DZIP1L: variants seen among roughly 807,000 people sequenced by gnomAD.
The protein encoded by DZIP1L is cilium assembly protein DZIP1L.
In DZIP1L, 90 loss-of-function variants were observed where a neutral mutation model predicts 88.7. The ratio of observed to expected loss-of-function variants is 1.02; its 90% CI spans 0.86 to 1.21. The LOEUF is 1.21. Among genes scored for constraint, DZIP1L ranks in the 50% most tolerant of loss-of-function variants. The pLI is 0.00. For synonymous variants in DZIP1L, 363 were observed against 372.1 expected, an observed-to-expected ratio of 0.98 and a Z score of 0.28; for missense variants, 932 against 955.8, an observed-to-expected ratio of 0.98 and a Z score of 0.33.
intron 1 of DZIP1L, among the ~76,000 whole-genome samples, chr3:138,115,110 C>G (rs1343425602): frequency 6.6e-6 from 1 of 152,084 alleles, no homozygotes; most frequent in Non-Finnish European, 1.5e-5. Context: ...CCGAGGGGGC[C>G]GGGCTGCAGG....
chr3:138,091,505 T>C (rs575434959), intron 5 of DZIP1L, among the ~76,000 whole-genome samples: 1 of 150,820 alleles, frequency 6.6e-6, no homozygotes, highest in South Asian at 2.1e-4. Flanking sequence ...GTAATCCCAG[T>C]TACTCCGGAG....
Position 138,106,686 on chromosome 3 carries a change from G to C in DZIP1L, c.-81-2634C>G, listed in dbSNP as rs1023191084. ...GTCTCTACTAAAAATAGAAAAATTAGCCGGGCGTGGTGGCGTGCACCTGTA... is the reference window on the plus strand; with the variant it reads ...GTCTCTACTAAAAATAGAAAAATTACCCGGGCGTGGTGGCGTGCACCTGTA... On this transcript the variant is annotated intron_variant, in intron 1 of 15. Transcript: ENST00000327532. Among the ~76,000 whole-genome samples, 12 of 152,006 alleles carry C rather than the reference G, an allele frequency of 7.9e-5. No individual in the cohort carries two copies. In the East Asian group the frequency reaches 1.2e-3, roughly 15 times the overall value.
chr3:138,113,880 A>T (rs909082084), intron 1 of DZIP1L, among the ~76,000 whole-genome samples: 4 of 152,322 alleles, frequency 2.6e-5, no homozygotes, highest in Middle Eastern at 6.8e-3. Flanking sequence ...TTTTATCAAA[A>T]GCCTATTAAG....
intron 14 of DZIP1L, among the ~76,000 whole-genome samples, chr3:138,065,674 T>C (rs965984516): frequency 6.6e-6 from 1 of 152,222 alleles, no homozygotes; most frequent in Non-Finnish European, 1.5e-5. Context: ...GCTGTAAACA[T>C]GGCCAAGTAC....
chr3:138,084,069 G>A, intron 8 of DZIP1L, 44 bp downstream of exon 8: 1 of 1,603,642 alleles, frequency 6.2e-7, no homozygotes, highest in South Asian at 1.1e-5. Context: ...CAGGAAAGAG[G>A]CCCAGGGACA....
intron 5 of DZIP1L, chr3:138,089,302 T>A (rs1284661908): frequency 1.0e-6 from 1 of 983,786 alleles, no homozygotes; most frequent in Admixed American, 6.1e-5. Context: ...CTTGATCAGA[T>A]GTATGCACAA....
chr3:138,072,369 G>A (rs562253429), intron 11 of DZIP1L, among the ~76,000 whole-genome samples: 1 of 152,266 alleles, frequency 6.6e-6, no homozygotes, highest in Non-Finnish European at 1.5e-5. Flanking sequence ...TCCAAGATGA[G>A]GATTCATGCA....
At chr3:138,102,782 A>G (rs964415956) in intron 2 of DZIP1L, 6 of 759,080 alleles carry the variant, frequency 7.9e-6, no homozygotes, top group Admixed American at 1.8e-5. Flanking sequence ...TCACCCCGGA[A>G]GCTGCTGCTG....
At chr3:138,074,010 C>T (rs1351350352) in intron 11 of DZIP1L, among the ~76,000 whole-genome samples, 1 of 151,886 alleles carries the variant, frequency 6.6e-6, no homozygotes, top group African/African-American at 2.4e-5. Flanking sequence ...CCATAGAAGA[C>T]AAAAAAGAAT....
intron 14 of DZIP1L, 23 bp downstream of exon 14, chr3:138,067,508 C>T: frequency 6.4e-7 from 1 of 1,569,194 alleles, no homozygotes; most frequent in Non-Finnish European, 8.6e-7. Flanking sequence ...TCCCAGCCCA[C>T]TCACCCAAAG....
Position 138,064,705 on chromosome 3 carries a change from G to A in DZIP1L, c.2065C>T (p.Pro689Ser), listed in dbSNP as rs201438371. The stretch of plus-strand genomic sequence containing the variant: ...AAAAACAGACTGACCCCTCCAGCAG[G>A]CTTCTTTGCTGGAGCTTCTAGCTGC... ...EKQLEAPAKK[P>S]AGGVSLFFMP... The change falls in exon 15 of 16, where the codon CCT (proline) becomes TCT (serine). Residue 689 changes from proline to serine, a missense_variant. Coordinates refer to ENST00000327532, the MANE Select transcript of DZIP1L (RefSeq NM_173543.3). 1 of 1,611,006 alleles carries A rather than the reference G, an allele frequency of 6.2e-7. No individual in the cohort carries two copies. Among genetic ancestry groups the A allele is most frequent in the Non-Finnish European group, 8.5e-7 (1 of 1,179,010 alleles).
rs569937170 is a variant in DZIP1L, at chr3:138,110,987, G to A, written c.-82+4341C>T. 3.6e-4 allele frequency among the ~76,000 whole-genome samples: 55 copies of A among 152,308 alleles called. No homozygotes were observed. In the South Asian group the frequency reaches 0.011, roughly 30 times the overall value. On this transcript the variant is annotated intron_variant, in intron 1 of 15. Coordinates refer to ENST00000327532, the MANE Select transcript of DZIP1L (RefSeq NM_173543.3). ...GAAATTAACCCACAGAGCGGCAAGT[G>A]CCAAGACAGGAGCTGGGAAAGGGTT... is the stretch of plus-strand genomic sequence containing the variant.
chr3:138,083,807 T>G (rs145276639), intron 8 of DZIP1L, among the ~76,000 whole-genome samples: 1 of 152,112 alleles, frequency 6.6e-6, no homozygotes, highest in Non-Finnish European at 1.5e-5. Context: ...CCTTGAAGGA[T>G]AGTAGTGAGG....
rs181564391 is a variant in DZIP1L, at chr3:138,095,236, T to C, written c.587-253A>G. Among the ~76,000 whole-genome samples, 62 of 152,340 alleles carry C rather than the reference T, an allele frequency of 4.1e-4. 1 individual carries two copies. Among genetic ancestry groups the C allele is most frequent in the Admixed American group, 4.0e-3 (61 of 15,300 alleles). ...AGAATGCAAAGTGCTTAGCATAGTG[T>C]CTGGCACGACAGCTCAAAAAATGTG... On this transcript the variant is annotated intron_variant, in intron 3 of 15. Coordinates refer to ENST00000327532, the MANE Select transcript of DZIP1L (RefSeq NM_173543.3).
In DZIP1L at chr3:138,097,744, G is replaced by T. The variant is rs767639901; in HGVS notation, c.586+19C>A. On this transcript the variant is annotated intron_variant, in intron 3 of 15. Transcript: ENST00000327532. ...TTTCCACAGTCCCAGAAGGGGCCCG[G>T]GCTGCTGTCTGGACTCACCACCTTC... 4 of 1,601,812 alleles carry T rather than the reference G, an allele frequency of 2.5e-6. No homozygotes were observed. In the South Asian group the frequency reaches 4.5e-5, roughly 18 times the overall value.
rs1322409351 is a variant in DZIP1L at position 138,077,549 on chromosome 3, T to C, written c.1372A>G (p.Ile458Val). Residue 458 changes from isoleucine (I) to valine (V), a missense_variant, in exon 11 of 16, where the codon ATC (isoleucine) becomes GTC (valine). Ile to Val is a conservative substitution (Grantham distance 29, BLOSUM62 3). Transcript: ENST00000327532. ...TTCTCTTCCAGGGTGTCCTCCAGGA[T>C]TGGTCTGAAGTGCTTCAGCAAAGTG... ...NPTLLKHFRP[I>V]LEDTLEEKLE... 5.0e-6 allele frequency: 8 copies of C among 1,614,100 alleles called. No individual in the cohort carries two copies. The highest frequency in any genetic ancestry group is 4.5e-5 in the East Asian group (2 of 44,894).
chr3:138,080,458 C>T, intron 10 of DZIP1L, 109 bp downstream of exon 10: 2 of 1,246,746 alleles, frequency 1.6e-6, no homozygotes, highest in Non-Finnish European at 2.3e-6. Context: ...GATCCCTCCA[C>T]TCCAGCTTCG....
intron 15 of DZIP1L, 168 bp downstream of exon 15, chr3:138,064,460 G>A: frequency 1.3e-6 from 2 of 1,595,592 alleles, no homozygotes; most frequent in Non-Finnish European, 1.7e-6. Context: ...ATTCCAAACT[G>A]GCCATCTCTC....
rs888809574 is a variant in DZIP1L at position 138,102,046 on chromosome 3, T to C, written c.501+1425A>G. On this transcript the variant is annotated intron_variant, in intron 2 of 15. Transcript: ENST00000327532. The stretch of plus-strand genomic sequence containing the variant: ...TCATCTCCATGCTTCCCAGCCAGCA[T>C]CTGCAGCTCCTCATACTTGATCTGG... 1.8e-5 allele frequency: 26 copies of C among 1,480,460 alleles called. No homozygotes were observed. In the African/African-American group the frequency reaches 3.3e-4, roughly 19 times the overall value. 91.7% of individuals were successfully genotyped at this position (1,480,460 alleles called of 1,614,324 possible).
Sources: allele counts gnomAD v4.1 joint callset (sites outside exome capture counted in the v4.1 genomes callset), GRCh38; gene constraint gnomAD v4.1.1; transcripts MANE v1.5; gene names NCBI Gene and HGNC (gene_info 2026-07-23, HGNC 2026-07-21).